Variants in CTBP1 observed in about 807,000 individuals in gnomAD.
CTBP1 encodes C-terminal-binding protein 1.
In CTBP1, 11 loss-of-function variants were observed where a neutral mutation model predicts 42.1. The observed-to-expected ratio is 0.26, with a 90% CI of 0.16 to 0.43. The LOEUF is 0.43. Among genes scored for constraint, CTBP1 ranks in the 20% least tolerant of loss-of-function variants. The probability of loss-of-function intolerance (pLI) is 1.00; values close to 1 mark genes in which losing one functional copy is unlikely to be tolerated. For missense variants in CTBP1, 399 were observed against 624.3 expected, an observed-to-expected ratio of 0.64 and a Z score of 3.85; for synonymous variants, 324 against 277.1, an observed-to-expected ratio of 1.17 and a Z score of -1.68.
intron 5 of CTBP1, among the ~76,000 whole-genome samples, chr4:1,220,804 C>T (rs1341350971): frequency 6.6e-6 from 1 of 152,258 alleles, no homozygotes; most frequent in Non-Finnish European, 1.5e-5. Flanking sequence ...TGGGCCACCA[C>T]CCCAGCCTCA....
chr4:1,223,688 G>A (rs1729999058), intron 5 of CTBP1, among the ~76,000 whole-genome samples: 2 of 152,066 alleles, frequency 1.3e-5, no homozygotes, highest in Non-Finnish European at 2.9e-5. Context: ...CCCTCTCAGG[G>A]AGCACCTTCC....
intron 8 of CTBP1, 53 bp from the exon 9 acceptor site, chr4:1,213,083 C>T (rs1322112374): frequency 6.8e-6 from 10 of 1,470,004 alleles, no homozygotes; most frequent in African/African-American, 5.5e-5. Flanking sequence ...GCCCCAGGAG[C>T]GTGGCCCACT....
chr4:1,241,669 T>C, intron 1 of CTBP1, 150 bp from the exon 2 acceptor site: 2 of 1,293,786 alleles, frequency 1.5e-6, no homozygotes, highest in Non-Finnish European at 2.0e-6. Flanking sequence ...GGGGGCCTGC[T>C]GACAGCCAGG....
At position 1,221,171 on chromosome 4, in the gene CTBP1, G is replaced by A. The variant is rs566779090; in HGVS notation, c.514+4189C>T. ...ACCAACACGAAAAAGACGGCCGGAG[G>A]TGCTCCGAGTGGCCAAGGGCACAAA... is the stretch of plus-strand genomic sequence containing the variant. On this transcript the variant is annotated intron_variant, in intron 5 of 9. Coordinates refer to ENST00000382952, the MANE Select transcript of CTBP1 (RefSeq NM_001012614.2). Among the ~76,000 whole-genome samples, 213 of 152,366 alleles carry A rather than the reference G, an allele frequency of 1.4e-3. 1 individual carries two copies. The highest frequency in any genetic ancestry group is 8.5e-4 in the Admixed American group (13 of 15,312).
chr4:1,222,505 AGAAC>A (rs960638583), intron 5 of CTBP1, among the ~76,000 whole-genome samples: 10 of 152,138 alleles, frequency 6.6e-5, no homozygotes, highest in African/African-American at 2.2e-4. Flanking sequence ...AGTGCAGGGC[AGAAC>A]GCCCATGGTA....
chr4:1,238,201 C>T lies in CTBP1; in HGVS notation c.144G>A (p.Thr48=), dbSNP rs772691300. Residue 48 remains threonine (T), a synonymous_variant, in exon 3 of 10, where the codon ACG becomes ACA. Coordinates refer to ENST00000382952, the MANE Select transcript of CTBP1 (RefSeq NM_001012614.2). The surrounding 1 kb of genome is among the most constrained non-coding windows in gnomAD (Gnocchi z 5.9). ...GTGGTACCTTCTCATGGATCTCCTG[C>T]GTGGACTGCGCGTCGCAGAAGGCCA... The part of the protein sequence containing the change: ...ATVAFCDAQS[T]QEIHEKVLNE... 14 of 1,612,880 alleles carry T rather than the reference C, an allele frequency of 8.7e-6. No individual in the cohort carries two copies. Among genetic ancestry groups the T allele is most frequent in the Middle Eastern group, 1.6e-4 (1 of 6,084 alleles).
At chr4:1,214,840 G>A (rs1188934582) in intron 6 of CTBP1, among the ~76,000 whole-genome samples, 1 of 152,224 alleles carries the variant, frequency 6.6e-6, no homozygotes, top group East Asian at 1.9e-4. Context: ...CAGCCCACGA[G>A]GTGGGACTCC....
At chr4:1,231,973 T>C (rs1223735739) in intron 3 of CTBP1, among the ~76,000 whole-genome samples, 1 of 152,262 alleles carries the variant, frequency 6.6e-6, no homozygotes, top group African/African-American at 2.4e-5. Flanking sequence ...GCTCTGTCTG[T>C]ACCAAACGCC....
rs1420074802 is a variant in CTBP1, at chr4:1,233,135, GC to G, written c.163-4793del. ...GGTCTCTGTCCTCTTGGTCCTAGAA[GC>G]GACTGTGACCCGGTATTAAGGTCAG... On this transcript the variant is annotated intron_variant, in intron 3 of 9. Coordinates refer to ENST00000382952, the MANE Select transcript of CTBP1 (RefSeq NM_001012614.2). The surrounding 1 kb of genome is among the most constrained non-coding windows in gnomAD (Gnocchi z 4.6). 3.9e-5 allele frequency: 6 copies of G among 152,268 alleles called. No homozygotes were observed. The highest frequency in any genetic ancestry group is 5.9e-5 in the Non-Finnish European group (4 of 68,088). The allele number at this position is 152,268 out of a possible 1,614,324, so 9.4% of individuals were successfully genotyped here.
intron 5 of CTBP1, among the ~76,000 whole-genome samples, chr4:1,218,823 G>A (rs1396804908): frequency 6.6e-6 from 1 of 152,026 alleles, no homozygotes; most frequent in Non-Finnish European, 1.5e-5. Context: ...AACAACAGAT[G>A]CAAGGAATCA....
intron 1 of CTBP1, chr4:1,243,670 C>T: frequency 1.0e-6 from 1 of 985,474 alleles, no homozygotes; most frequent in Non-Finnish European, 1.2e-6. Flanking sequence ...AGGCCCTGCG[C>T]ACCTCACGCC....
At chr4:1,228,382 A>G in intron 3 of CTBP1, 39 bp from the exon 4 acceptor site, 1 of 1,600,340 alleles carries the variant, frequency 6.2e-7, no homozygotes, top group African/African-American at 1.3e-5. Context: ...CCGGAACCTG[A>G]AGACCCTCGG....
intron 1 of CTBP1, chr4:1,245,435 A>C: frequency 3.0e-6 from 3 of 985,312 alleles, no homozygotes; most frequent in Non-Finnish European, 3.6e-6. Flanking sequence ...TCCCCTTCCC[A>C]ACACAGTCTA....
intron 4 of CTBP1, among the ~76,000 whole-genome samples, chr4:1,227,225 G>C (rs1376895760): frequency 1.3e-5 from 2 of 151,634 alleles, no homozygotes; most frequent in African/African-American, 2.4e-5. Flanking sequence ...GAGTGCACAA[G>C]CAGAGGTGCA....
Position 1,216,000 on chromosome 4 carries a change from G to A in CTBP1, c.720C>T (p.Thr240=), listed in dbSNP as rs143129857. The change falls in exon 6 of 10, where the codon ACC becomes ACT. Residue 240 remains threonine (T), a synonymous_variant. Transcript: ENST00000382952. Reference sequence around the variant, plus strand: ...CCCCGGCTCCACGCACCTGCTTGACGGTGAAGTCGTTGATGAGGTGGTGGT... The same window carrying A: ...CCCCGGCTCCACGCACCTGCTTGACAGTGAAGTCGTTGATGAGGTGGTGGT... The part of the protein sequence containing the change: ...EHNHHLINDF[T]VKQMRQGAFL... 222 of 1,610,144 alleles carry A rather than the reference G, an allele frequency of 1.4e-4. No homozygotes were observed. Among genetic ancestry groups the A allele is most frequent in the Non-Finnish European group, 1.8e-4 (212 of 1,179,356 alleles).
intron 1 of CTBP1, chr4:1,242,936 C>A (rs1163441192): frequency 1.0e-6 from 1 of 984,604 alleles, no homozygotes; most frequent in African/African-American, 1.8e-5. Flanking sequence ...TCAACGCCAG[C>A]CGATACTCAT....
At chr4:1,212,580 C>T (rs1051005771) in intron 9 of CTBP1, 157 bp from the exon 10 acceptor site, 3 of 703,838 alleles carry the variant, frequency 4.3e-6, no homozygotes, top group Admixed American at 3.4e-5. Flanking sequence ...CTGCCTATGG[C>T]AGCTACTTCT....
At chr4:1,212,604 G>A (rs1728661402) in intron 9 of CTBP1, 181 bp from the exon 10 acceptor site, 2 of 639,304 alleles carry the variant, frequency 3.1e-6, no homozygotes, top group Non-Finnish European at 5.2e-6. Context: ...GGCTGGGGAG[G>A]GGAGCCCTGG....
chr4:1,232,375 G>C (rs1226408287), intron 3 of CTBP1, among the ~76,000 whole-genome samples: 1 of 152,066 alleles, frequency 6.6e-6, no homozygotes, highest in Non-Finnish European at 1.5e-5. Context: ...GCAGTGACAC[G>C]ATCTTGGCTC....
Sources: gnomAD v4.1 joint callset for allele counts (sites outside exome capture counted in the v4.1 genomes callset) on GRCh38, gnomAD v4.1.1 for gene constraint, Gnocchi (gnomAD v3.1) non-coding constraint, MANE v1.5 for transcripts, NCBI Gene and HGNC (gene_info 2026-07-23, HGNC 2026-07-21) for gene names.